The following PCDHA7 variants were observed in gnomAD, a reference collection of about 807,000 sequenced individuals.
The protein encoded by PCDHA7 is protocadherin alpha-7.
Under a neutral mutation model 57.2 loss-of-function variants are expected in PCDHA7, and 37 were observed. The ratio of observed to expected loss-of-function variants is 0.65; its 90% confidence interval spans 0.50 to 0.85. The LOEUF (loss-of-function observed/expected upper bound fraction) is 0.85. PCDHA7 is among the 40% of genes least tolerant of loss of function. The pLI is 0.00. For missense variants in PCDHA7, 1,188 were observed against 1,241.8 expected (o/e 0.96, Z 0.65); for synonymous variants, 553 against 558.8 (o/e 0.99, Z 0.15).
chr5:140,960,331 A>G (rs1157705398), intron 1 of PCDHA7, among the ~76,000 whole-genome samples: 1 of 152,230 alleles, frequency 6.6e-6, no homozygotes, highest in African/African-American at 2.4e-5. Flanking sequence ...TGTGAGAAGT[A>G]CATGAGGTGA....
intron 1 of PCDHA7, among the ~76,000 whole-genome samples, chr5:140,977,977 C>T (rs193229659): frequency 2.0e-5 from 3 of 152,222 alleles, no homozygotes; most frequent in South Asian, 2.1e-4. Context: ...CCCATGAAAA[C>T]GCATCTAGAG....
intron 1 of PCDHA7, among the ~76,000 whole-genome samples, chr5:140,974,338 A>G (rs1554235945): frequency 6.6e-6 from 1 of 152,212 alleles, no homozygotes; most frequent in Non-Finnish European, 1.5e-5. Flanking sequence ...CTAGCAGGCT[A>G]TGCATCCAGA....
intron 1 of PCDHA7, chr5:140,875,613 C>G (rs2055652849): frequency 8.1e-6 from 13 of 1,613,708 alleles, no homozygotes; most frequent in Non-Finnish European, 1.1e-5. Flanking sequence ...TCGTGGGCCG[C>G]ATCGCTCAGG....
At chr5:140,931,460 G>GA (rs3836748) in intron 1 of PCDHA7, among the ~76,000 whole-genome samples, 48,962 of 151,596 alleles carry the variant, frequency 0.32, 8,170 homozygotes, top group East Asian at 0.53. Flanking sequence ...AAAAATATAG[G>GA]AATGACAGAG....
chr5:140,883,841 C>T (rs2059844881), intron 1 of PCDHA7: 1 of 1,612,742 alleles, frequency 6.2e-7, no homozygotes, highest in Non-Finnish European at 8.5e-7. Context: ...GCCGTTGGAC[C>T]ACGAGGAGCT....
intron 1 of PCDHA7, among the ~76,000 whole-genome samples, chr5:140,952,538 T>C (rs558395294): frequency 6.6e-6 from 1 of 152,256 alleles, no homozygotes; most frequent in South Asian, 2.1e-4. Flanking sequence ...AGACTGGACT[T>C]CTTTGTCCAT....
intron 1 of PCDHA7, among the ~76,000 whole-genome samples, chr5:140,950,908 T>G (rs1259421351): frequency 6.6e-6 from 1 of 152,072 alleles, no homozygotes; most frequent in Non-Finnish European, 1.5e-5. Flanking sequence ...TTTATTTTTA[T>G]TTTATTTCAG....
At chr5:140,851,813 A>G in intron 1 of PCDHA7, 1 of 954,990 alleles carries the variant, frequency 1.0e-6, no homozygotes, top group Non-Finnish European at 1.3e-6. Flanking sequence ...AATCCATAAG[A>G]CAGAAATCTG....
intron 1 of PCDHA7, chr5:140,847,633 C>T (rs2150402485): frequency 0.65 from 96,440 of 148,450 alleles, 34,032 homozygotes; most frequent in African/African-American, 0.71. Context: ...ATATTGGAGA[C>T]TACAAAGAAG....
intron 1 of PCDHA7, chr5:140,967,013 G>A: frequency 1.9e-6 from 3 of 1,606,874 alleles, no homozygotes; most frequent in Non-Finnish European, 2.5e-6. Flanking sequence ...CAACCATCTG[G>A]GTGCGCCCAG....
intron 1 of PCDHA7, among the ~76,000 whole-genome samples, chr5:140,896,536 C>CTTTT (rs34213614): frequency 1.4e-5 from 2 of 145,620 alleles, no homozygotes; most frequent in Admixed American, 6.8e-5. Context: ...AGCTATTTTT[C>CTTTT]TTTTTTTTTT....
intron 1 of PCDHA7, chr5:140,841,947 A>T: frequency 6.2e-7 from 1 of 1,613,886 alleles, no homozygotes; most frequent in Non-Finnish European, 8.5e-7. Context: ...CCTGCGCACC[A>T]CTTATTCCTG....
intron 1 of PCDHA7, chr5:140,883,393 C>T (rs781845683): frequency 1.2e-6 from 2 of 1,614,160 alleles, no homozygotes; most frequent in South Asian, 2.2e-5. Flanking sequence ...TCAGTGTGTC[C>T]GATCGTGACT....
intron 1 of PCDHA7, chr5:140,857,825 G>T: frequency 3.8e-6 from 6 of 1,597,886 alleles, no homozygotes; most frequent in Non-Finnish European, 3.4e-6. Flanking sequence ...GGTGGCTAAG[G>T]TGCGCGCAGT....
chr5:140,986,371 G>T (rs1453761888), intron 3 of PCDHA7, among the ~76,000 whole-genome samples: 2 of 152,116 alleles, frequency 1.3e-5, no homozygotes, highest in African/African-American at 2.4e-5. Flanking sequence ...AATGCGTTTT[G>T]GGGGGAGGGA....
intron 1 of PCDHA7, chr5:140,868,997 G>T: frequency 6.6e-7 from 1 of 1,517,542 alleles, no homozygotes; most frequent in Non-Finnish European, 8.8e-7. Flanking sequence ...ACCGTTTAAG[G>T]ATCCTTTGAA....
chr5:140,978,196 T>C (rs1043778941), intron 1 of PCDHA7, among the ~76,000 whole-genome samples: 1 of 152,190 alleles, frequency 6.6e-6, no homozygotes. Flanking sequence ...ATCTTTTCAA[T>C]ACACAACTAA....
intron 1 of PCDHA7, among the ~76,000 whole-genome samples, chr5:140,923,225 AGCCCAGAAG>A (rs2081250184): frequency 4.2e-5 from 3 of 71,942 alleles, no homozygotes; most frequent in Admixed American, 3.0e-4. Flanking sequence ...GGATCGTTTG[AGCCCAGAAG>A]TTTGAGACCA....
At chr5:141,004,657 G>A (rs565994909) in intron 3 of PCDHA7, among the ~76,000 whole-genome samples, 1 of 152,262 alleles carries the variant, frequency 6.6e-6, no homozygotes, top group Admixed American at 6.5e-5. Context: ...TGGGCTCTGA[G>A]GGCAACTAAA....
Sources: allele counts gnomAD v4.1 joint callset (sites outside exome capture counted in the v4.1 genomes callset), GRCh38; gene constraint gnomAD v4.1.1; transcripts MANE v1.5; gene names NCBI Gene and HGNC (gene_info 2026-07-23, HGNC 2026-07-21).